The following UPF3A variants were observed in gnomAD, a reference collection of about 807,000 sequenced individuals.
The protein encoded by UPF3A is regulator of nonsense transcripts 3A.
UPF3A carries 42 observed loss-of-function variants against 53.5 expected under a neutral mutation model. The observed-to-expected ratio is 0.78, with a 90% CI of 0.61 to 1.01. The LOEUF is 1.01. Among genes scored for constraint, UPF3A ranks in the 50% least tolerant of loss-of-function variants. UPF3A has a pLI of 0.00. For synonymous variants in UPF3A, 237 were observed against 225.3 expected (o/e 1.05, Z -0.47); for missense variants, 575 against 598.0 (o/e 0.96, Z 0.40).
rs936966792 is a variant in UPF3A, at chr13:114,282,410, C to T, written c.314+283C>T. On this transcript the variant is annotated intron_variant, in intron 2 of 9. Coordinates refer to ENST00000375299, the MANE Select transcript of UPF3A (RefSeq NM_023011.4). ...AAGGACCAGCGTTGCCCGCCCGGCG[C>T]CTCCCGGGCTTCCCTGCTCGTCCGC... 27 of 1,205,852 alleles carry T rather than the reference C, an allele frequency of 2.2e-5. 1 individual carries two copies. In the Middle Eastern group the frequency reaches 1.0e-3, roughly 45 times the overall value. The allele number at this position is 1,205,852 out of a possible 1,614,324, so 74.7% of individuals were successfully genotyped here.
chr13:114,294,882 G>A (rs1454694626), intron 7 of UPF3A, among the ~76,000 whole-genome samples: 1 of 150,708 alleles, frequency 6.6e-6, no homozygotes, highest in Non-Finnish European at 1.5e-5. Flanking sequence ...GGAGGCCGAG[G>A]TGGGCGGATC....
chr13:114,300,296 C>T (rs1291273505), intron 8 of UPF3A, among the ~76,000 whole-genome samples: 1 of 152,222 alleles, frequency 6.6e-6, no homozygotes, highest in Non-Finnish European at 1.5e-5. Context: ...CCAGGACAGC[C>T]ACTGGACCAC....
chr13:114,290,777 A>T (rs1202483691), intron 5 of UPF3A, among the ~76,000 whole-genome samples: 1 of 138,710 alleles, frequency 7.2e-6, no homozygotes, highest in African/African-American at 2.8e-5. Context: ...GTTGTTGCCC[A>T]GGCTGGAGTG....
At chr13:114,284,566 A>G (rs78296981) in intron 3 of UPF3A, among the ~76,000 whole-genome samples, 3,693 of 150,924 alleles carry the variant, frequency 0.024, 155 homozygotes, top group African/African-American at 0.086. Context: ...AGGCATCATG[A>G]GGCATGCCTG....
chr13:114,290,184 C>A (rs1467017020), intron 5 of UPF3A, among the ~76,000 whole-genome samples: 1 of 152,190 alleles, frequency 6.6e-6, no homozygotes, highest in African/African-American at 2.4e-5. Flanking sequence ...CAGCTCTTCC[C>A]TACAACCACT....
chr13:114,283,806 C>G, intron 3 of UPF3A: 1 of 985,562 alleles, frequency 1.0e-6, no homozygotes, highest in Non-Finnish European at 1.2e-6. Context: ...TGTTGTGTTC[C>G]TGGCTGTCAA....
Position 114,301,925 on chromosome 13 carries a change from G to A in UPF3A, c.1202G>A (p.Ser401Asn), listed in dbSNP as rs746015015. Residue 401 changes from serine (S) to asparagine (N), a missense_variant, in exon 9 of 10, where the codon AGC becomes AAC. By Grantham distance (46) the Ser-to-Asn change is conservative (BLOSUM62 1). Around this residue, in one of 2 missense-constraint regions of UPF3A, gnomAD observed 323 missense variants for 415.2 expected, o/e 0.78. Transcript: ENST00000375299. ...GGCCAAGACAGAGGGAAGAAGGGGA[G>A]CCAGGACAGCGGGGCTCCGGGGGAG... ...GPGQDRGKKGSQDSGAPGEAM... is the reference protein window; with the variant it reads ...GPGQDRGKKGNQDSGAPGEAM... The A allele has an allele frequency of 6.2e-7, 1 of 1,608,044 alleles. No homozygotes were observed. The highest frequency in any genetic ancestry group is 8.5e-7 in the Non-Finnish European group (1 of 1,176,438).
At chr13:114,293,726 A>G (rs56055028) in intron 7 of UPF3A, among the ~76,000 whole-genome samples, 3,534 of 152,336 alleles carry the variant, frequency 0.023, 145 homozygotes, top group African/African-American at 0.081. Context: ...ATATGAGGAA[A>G]AAAATGAAAT....
At position 114,291,495 on chromosome 13, in the gene UPF3A, G is replaced by C; in HGVS notation, c.638G>C (p.Arg213Thr). The C allele has an allele frequency of 6.2e-7, 1 of 1,606,616 alleles. No individual in the cohort carries two copies. The highest frequency in any genetic ancestry group is 1.1e-5 in the South Asian group (1 of 88,348). ...TACAATTTTTGTGTTTTAGCTAGAA[G>C]AACCACACCTCTTTTGGAATATATT... ...EAKTRELIAR[R>T]TTPLLEYIKN... The change falls in exon 6 of 10, where the codon AGA becomes ACA. Residue 213 changes from arginine (R) to threonine (T), a missense_variant. Physicochemically the swap from Arg to Thr is moderately conservative, Grantham distance 71. Coordinates refer to ENST00000375299, the MANE Select transcript of UPF3A (RefSeq NM_023011.4).
chr13:114,283,185 TA>T (rs902460182), intron 3 of UPF3A: 2,301 of 314,812 alleles, frequency 7.3e-3, no homozygotes, highest in South Asian at 0.011. Context: ...TCGGCTGATT[TA>T]AAAAAAAAAT....
At chr13:114,297,185 A>G (rs1347181714) in intron 7 of UPF3A, among the ~76,000 whole-genome samples, 1 of 148,970 alleles carries the variant, frequency 6.7e-6, no homozygotes, top group African/African-American at 2.5e-5. Context: ...TACACCTTCC[A>G]TTTCTGTTCT....
At chr13:114,287,667 A>G (rs1382780288) in intron 5 of UPF3A, 1 of 152,132 alleles carries the variant, frequency 6.6e-6, no homozygotes, top group Non-Finnish European at 1.5e-5. Flanking sequence ...CCACCACATA[A>G]ACTCCCTTCT....
chr13:114,302,716 A>G (rs2086702175), intron 9 of UPF3A, among the ~76,000 whole-genome samples: 2 of 152,238 alleles, frequency 1.3e-5, no homozygotes, highest in South Asian at 4.1e-4. Context: ...AACACACAGT[A>G]TGTGAGCTTT....
chr13:114,293,718 A>T (rs1036524362), intron 7 of UPF3A, among the ~76,000 whole-genome samples: 4 of 152,196 alleles, frequency 2.6e-5, no homozygotes, highest in African/African-American at 9.7e-5. Context: ...ATTGTACAAT[A>T]TGAGGAAAAA....
chr13:114,295,419 T>C (rs2085846130), intron 7 of UPF3A, among the ~76,000 whole-genome samples: 2 of 149,150 alleles, frequency 1.3e-5, no homozygotes, highest in Non-Finnish European at 1.5e-5. Context: ...CCCCAGCTCG[T>C]CTCCAGCGGC....
intron 3 of UPF3A, 128 bp from the exon 4 acceptor site, chr13:114,286,174 T>C: frequency 1.7e-6 from 2 of 1,162,904 alleles, no homozygotes; most frequent in Non-Finnish European, 2.4e-6. Context: ...AAGGATGAAT[T>C]ATAGTTTAAA....
intron 5 of UPF3A, among the ~76,000 whole-genome samples, chr13:114,291,158 G>T (rs1301215176): frequency 2.6e-5 from 4 of 151,972 alleles, no homozygotes; most frequent in Admixed American, 2.6e-4. Context: ...CTTGGAGAAC[G>T]GAAAACGAAA....
intron 3 of UPF3A, chr13:114,285,284 C>T (rs376678404): frequency 2.0e-5 from 3 of 152,128 alleles, no homozygotes; most frequent in Non-Finnish European, 2.9e-5. Flanking sequence ...TATTTTATTC[C>T]CTTGGTGGAT....
intron 2 of UPF3A, chr13:114,282,343 G>A (rs1184944148): frequency 2.0e-6 from 2 of 1,020,472 alleles, no homozygotes; most frequent in African/African-American, 3.4e-5. Context: ...AAATGCGGAT[G>A]ATTTTCAGAC....
Sources: allele counts gnomAD v4.1 joint callset (sites outside exome capture counted in the v4.1 genomes callset), GRCh38; gene constraint gnomAD v4.1.1; regional missense constraint gnomAD v4.1.1; transcripts MANE v1.5; gene names NCBI Gene and HGNC (gene_info 2026-07-23, HGNC 2026-07-21).